Variants in LRRC37A2 observed in about 807,000 individuals in gnomAD.
LRRC37A2 encodes the protein leucine rich repeat containing 37 member A2, also known as leucine-rich repeat-containing protein 37A2.
A neutral mutation model predicts 68.8 loss-of-function variants in LRRC37A2; 9 were observed. The ratio of observed to expected loss-of-function variants is 0.13; its 90% confidence interval spans 0.08 to 0.23. The LOEUF (loss-of-function observed/expected upper bound fraction) is 0.23. Among genes scored for constraint, LRRC37A2 ranks in the 10% least tolerant of loss-of-function variants. The pLI is 1.00. For synonymous variants in LRRC37A2, 63 were observed against 367.6 expected, an observed-to-expected ratio of 0.17 and a Z score of 9.48; for missense variants, 168 against 950.4, an observed-to-expected ratio of 0.18 and a Z score of 10.82.
At chr17:46,935,559 G>A in the LRRC37A2 span, 20 of 1,202,154 alleles carry the variant, frequency 1.7e-5, no homozygotes, top group Non-Finnish European at 2.0e-5. Context: ...TTTCCCTTAG[G>A]ACCCCTACTG....
the LRRC37A2 span, among the ~76,000 whole-genome samples, chr17:46,725,015 A>G: frequency 1.4e-4 from 22 of 152,194 alleles, no homozygotes; most frequent in Non-Finnish European, 2.6e-4. Context: ...TTACTCTCTA[A>G]TAAGGCATTA....
At chr17:46,955,388 C>G in the LRRC37A2 span, 10 of 152,066 alleles carry the variant, frequency 6.6e-5, no homozygotes, top group East Asian at 5.8e-4. Context: ...GGTGGATAAG[C>G]TTTTTGATGT....
chr17:46,879,012 G>T, the LRRC37A2 span, among the ~76,000 whole-genome samples: 3 of 152,134 alleles, frequency 2.0e-5, no homozygotes, highest in Non-Finnish European at 2.9e-5. Context: ...TGGGGCCCCT[G>T]GGGACTAGAG....
At chr17:47,022,901 C>T in the LRRC37A2 span, among the ~76,000 whole-genome samples, 1 of 152,232 alleles carries the variant, frequency 6.6e-6, no homozygotes, top group African/African-American at 2.4e-5. Flanking sequence ...TCTTTGTGAA[C>T]ATGTGCAAGT....
chr17:46,516,156 A>T (rs1455141267), intron 2 of LRRC37A2, among the ~76,000 whole-genome samples: 3 of 150,096 alleles, frequency 2.0e-5, no homozygotes, highest in Admixed American at 1.3e-4. Flanking sequence ...GAAAAAAATT[A>T]GCCAGGCATG....
At chr17:46,750,653 A>G in the LRRC37A2 span, among the ~76,000 whole-genome samples, 2 of 152,206 alleles carry the variant, frequency 1.3e-5, no homozygotes, top group Non-Finnish European at 2.9e-5. Context: ...GGCAGCTACA[A>G]ACTGCCAGGA....
chr17:46,718,192 CT>C, the LRRC37A2 span, among the ~76,000 whole-genome samples: 2 of 152,220 alleles, frequency 1.3e-5, no homozygotes, highest in African/African-American at 4.8e-5. Flanking sequence ...TTGCTCTCCC[CT>C]GACCCACCCC....
chr17:46,858,865 C>A, the LRRC37A2 span, among the ~76,000 whole-genome samples: 1 of 151,792 alleles, frequency 6.6e-6, no homozygotes. Flanking sequence ...TGGGGTTTTG[C>A]TATGTTGCTC....
the LRRC37A2 span, among the ~76,000 whole-genome samples, chr17:46,827,829 A>C: frequency 8.1e-6 from 1 of 123,212 alleles, no homozygotes; most frequent in Non-Finnish European, 1.7e-5. Flanking sequence ...TTTTTTTTTG[A>C]GGCAGAGTCT....
At chr17:46,851,649 C>G in the LRRC37A2 span, 2 of 1,283,114 alleles carry the variant, frequency 1.6e-6, no homozygotes, top group African/African-American at 1.6e-5. This position sits in a 1 kb window ranked among gnomAD's most constrained non-coding sequence, Gnocchi z 4.3. Flanking sequence ...ATGCGCCCCC[C>G]GCCCGCGCTG....
chr17:46,765,643 G>T, the LRRC37A2 span, among the ~76,000 whole-genome samples: 1 of 152,248 alleles, frequency 6.6e-6, no homozygotes, highest in Non-Finnish European at 1.5e-5. Context: ...GCAGGCTCCC[G>T]TCTTGCCTAG....
chr17:46,851,728 C>G, the LRRC37A2 span: 2 of 1,263,474 alleles, frequency 1.6e-6, no homozygotes, highest in African/African-American at 3.1e-5. The surrounding 1 kb of genome is among the most constrained non-coding windows in gnomAD (Gnocchi z 4.3). Context: ...CAGTGCCCGC[C>G]GCGCCCCCCG....
At chr17:46,907,258 C>T in the LRRC37A2 span, among the ~76,000 whole-genome samples, 3 of 152,216 alleles carry the variant, frequency 2.0e-5, no homozygotes, top group Admixed American at 6.5e-5. Flanking sequence ...GGGGCTCTTC[C>T]GGGCCCAGCT....
the LRRC37A2 span, among the ~76,000 whole-genome samples, chr17:46,961,644 G>A: frequency 4.6e-5 from 7 of 152,028 alleles, no homozygotes; most frequent in South Asian, 6.2e-4. Flanking sequence ...GATGAAATAC[G>A]TCTGTAAAAA....
the LRRC37A2 span, among the ~76,000 whole-genome samples, chr17:46,985,451 C>T: frequency 1.4e-5 from 2 of 147,992 alleles, no homozygotes; most frequent in African/African-American, 2.5e-5. Flanking sequence ...ACCTGGGAGG[C>T]GGAGGTTGCA....
At chr17:46,762,142 G>A in the LRRC37A2 span, among the ~76,000 whole-genome samples, 1 of 152,244 alleles carries the variant, frequency 6.6e-6, no homozygotes, top group Admixed American at 6.5e-5. Flanking sequence ...GTGAGGAGGG[G>A]ATTAAGGCAG....
chr17:46,913,455 G>A, the LRRC37A2 span, among the ~76,000 whole-genome samples: 1 of 152,380 alleles, frequency 6.6e-6, no homozygotes, highest in African/African-American at 2.4e-5. Context: ...CCTAGAGGTT[G>A]GGGCCATGCC....
At chr17:46,976,451 G>A in the LRRC37A2 span, among the ~76,000 whole-genome samples, 3 of 152,016 alleles carry the variant, frequency 2.0e-5, no homozygotes, top group South Asian at 2.1e-4. Context: ...GGAGGCTGAG[G>A]CAGGAGAATC....
At chr17:47,011,998 G>A in the LRRC37A2 span, among the ~76,000 whole-genome samples, 1 of 152,054 alleles carries the variant, frequency 6.6e-6, no homozygotes, top group Non-Finnish European at 1.5e-5. Flanking sequence ...CAATCTCTGG[G>A]GAGACCCTAT....
Sources: gnomAD v4.1 joint callset for allele counts (sites outside exome capture counted in the v4.1 genomes callset) on GRCh38, gnomAD v4.1.1 for gene constraint, Gnocchi (gnomAD v3.1) non-coding constraint, MANE v1.5 for transcripts, NCBI Gene and HGNC (gene_info 2026-07-23, HGNC 2026-07-21) for gene names.